C4orf51: variants seen among roughly 807,000 people sequenced by gnomAD.
The protein encoded by C4orf51 is uncharacterized protein C4orf51.
In C4orf51, 25 loss-of-function variants were observed where a neutral mutation model predicts 25.2. The observed-to-expected ratio is 0.99, with a 90% CI of 0.72 to 1.39. C4orf51 has a LOEUF of 1.39. Among genes scored for constraint, C4orf51 ranks in the 40% most tolerant of loss-of-function variants. The probability of loss-of-function intolerance (pLI) is 0.00; values close to 1 mark genes in which losing one functional copy is unlikely to be tolerated. For synonymous variants in C4orf51, 100 were observed against 84.5 expected (o/e 1.18, Z -1.01); for missense variants, 252 against 239.6 (o/e 1.05, Z -0.34).
intron 1 of C4orf51, among the ~76,000 whole-genome samples, chr4:145,689,722 C>G (rs1043686304): frequency 3.3e-5 from 5 of 152,118 alleles, no homozygotes; most frequent in Non-Finnish European, 5.9e-5. Context: ...CACACACCTA[C>G]AGCCAACAGA....
At chr4:145,704,916 C>T (rs1040764223) in intron 2 of C4orf51, among the ~76,000 whole-genome samples, 4 of 152,144 alleles carry the variant, frequency 2.6e-5, no homozygotes, top group Admixed American at 2.0e-4. Context: ...GAGAGATTAC[C>T]TTGGAAGAGG....
At chr4:145,748,814 T>C (rs527461159) in intron 1 of C4orf51, among the ~76,000 whole-genome samples, 9 of 152,212 alleles carry the variant, frequency 5.9e-5, no homozygotes, top group African/African-American at 9.6e-5. Context: ...GAATGATTCA[T>C]GTACTGAGGA....
chr4:145,750,261 C>G (rs1235895436), intron 1 of C4orf51, among the ~76,000 whole-genome samples: 1 of 151,908 alleles, frequency 6.6e-6, no homozygotes, highest in East Asian at 1.9e-4. Context: ...CATTAACATC[C>G]TTTTTTTCCT....
downstream of C4orf51, among the ~76,000 whole-genome samples, chr4:145,733,034 G>C (rs1447544314): frequency 2.0e-5 from 3 of 152,136 alleles, no homozygotes; most frequent in East Asian, 5.8e-4. Context: ...CGACAGTCGC[G>C]GGGGCGGGGG....
chr4:145,736,332 A>G (rs1043406424), downstream of C4orf51, among the ~76,000 whole-genome samples: 3 of 149,882 alleles, frequency 2.0e-5, no homozygotes, highest in Admixed American at 1.3e-4. Context: ...TGCTTTTGAA[A>G]CTCTTTCCTT....
chr4:145,754,494 T>C (rs888491133), downstream of C4orf51: 1 of 152,250 alleles, frequency 6.6e-6, no homozygotes, highest in African/African-American at 2.4e-5. Context: ...GTTGGAGAGA[T>C]GAAAGTGGGC....
In C4orf51 at chr4:145,680,186, G is replaced by T; in HGVS notation, c.-18G>T. ...AGAGGACTTGACAAGTTGTTTTCCA[G>T]AGAGGCCGTTCGTAGTTATGTCACA... is the stretch of plus-strand genomic sequence containing the variant. On this transcript the variant is annotated 5_prime_UTR_variant, in exon 1 of 6. Transcript: ENST00000438731. 1 of 1,571,010 alleles carries T rather than the reference G, an allele frequency of 6.4e-7. No homozygotes were observed. Among genetic ancestry groups the T allele is most frequent in the South Asian group, 1.1e-5 (1 of 90,070 alleles).
At chr4:145,733,951 A>G (rs1376341785), downstream of C4orf51, among the ~76,000 whole-genome samples, 1 of 152,224 alleles carries the variant, frequency 6.6e-6, no homozygotes. Context: ...TCCTAGTCCA[A>G]GAAAATACAG....
chr4:145,762,738 AC>A lies in C4orf51; in HGVS notation n.167-8249del, dbSNP rs1005774151. 1.7e-4 allele frequency among the ~76,000 whole-genome samples: 26 copies of A among 152,304 alleles called. No individual in the cohort carries two copies. Among genetic ancestry groups the A allele is most frequent in the African/African-American group, 6.0e-4 (25 of 41,566 alleles). On this transcript the variant is annotated intron_variant and non_coding_transcript_variant, in intron 1 of 1. Coordinates refer to the C4orf51 transcript ENST00000510096. The surrounding 1 kb of genome is among the most constrained non-coding windows in gnomAD (Gnocchi z 4.9). ...CACGAGGAGTGGTGAGGCCATGTTA[AC>A]AAACTCTGCTGAGCCTCTCTTTTAG... is the stretch of plus-strand genomic sequence containing the variant.
At chr4:145,783,554 T>C in the C4orf51 span, among the ~76,000 whole-genome samples, 29 of 152,370 alleles carry the variant, frequency 1.9e-4, no homozygotes, top group South Asian at 5.8e-3. Flanking sequence ...TGGCAGTTGC[T>C]ATTTTCAGTT....
intron 2 of C4orf51, among the ~76,000 whole-genome samples, chr4:145,705,158 C>T (rs1319113813): frequency 2.6e-5 from 4 of 152,180 alleles, no homozygotes; most frequent in Non-Finnish European, 5.9e-5. Flanking sequence ...TCAAATGTCT[C>T]TGGAAGGCCA....
At chr4:145,718,279 C>T (rs751263493) in intron 2 of C4orf51, among the ~76,000 whole-genome samples, 2 of 152,312 alleles carry the variant, frequency 1.3e-5, no homozygotes, top group Admixed American at 6.5e-5. Flanking sequence ...TGGGATATTT[C>T]CTAAACACAG....
intron 2 of C4orf51, among the ~76,000 whole-genome samples, chr4:145,698,945 T>G (rs1578946869): frequency 6.6e-6 from 1 of 152,062 alleles, no homozygotes; most frequent in East Asian, 1.9e-4. Flanking sequence ...CCACCTTAAC[T>G]GATGACATTC....
chr4:145,753,892 A>G (rs76983620), intron 1 of C4orf51, among the ~76,000 whole-genome samples: 12,216 of 152,208 alleles, frequency 0.08, 555 homozygotes, highest in Middle Eastern at 0.12. Flanking sequence ...CACCCCCAAT[A>G]TGGGAGGACT....
chr4:145,727,097 C>T, intron 3 of C4orf51, 128 bp downstream of exon 3: 1 of 654,058 alleles, frequency 1.5e-6, no homozygotes, highest in Non-Finnish European at 2.6e-6. Context: ...AACGTTTATT[C>T]CTGAGTGCTT....
chr4:145,769,900 T>G (rs1212133682), intron 1 of C4orf51, among the ~76,000 whole-genome samples: 1 of 152,222 alleles, frequency 6.6e-6, no homozygotes, highest in Non-Finnish European at 1.5e-5. Context: ...ACCAATCATC[T>G]TGCTTCCTCA....
chr4:145,789,886 G>C, the C4orf51 span, among the ~76,000 whole-genome samples: 1 of 152,240 alleles, frequency 6.6e-6, no homozygotes, highest in African/African-American at 2.4e-5. Context: ...TGCCTGGAGA[G>C]AGAATGGTGG....
chr4:145,728,046 A>G, intron 3 of C4orf51, among the ~76,000 whole-genome samples: 1 of 128,064 alleles, frequency 7.8e-6, no homozygotes, highest in Non-Finnish European at 1.6e-5. Context: ...TAATATATAT[A>G]TACACACACA....
chr4:145,781,799 C>T, the C4orf51 span, among the ~76,000 whole-genome samples: 5 of 152,082 alleles, frequency 3.3e-5, no homozygotes, highest in East Asian at 3.8e-4. Flanking sequence ...AGAACAATAA[C>T]GGTAATAATT....
Sources: allele counts gnomAD v4.1 joint callset (sites outside exome capture counted in the v4.1 genomes callset), GRCh38; gene constraint gnomAD v4.1.1; non-coding constraint Gnocchi (gnomAD v3.1); transcripts MANE v1.5; gene names NCBI Gene and HGNC (gene_info 2026-07-23, HGNC 2026-07-21).